The following ECT2L variants were observed in gnomAD, a reference collection of about 807,000 sequenced individuals.
ECT2L encodes epithelial cell-transforming sequence 2 oncogene-like.
Under a neutral mutation model 122.8 loss-of-function variants are expected in ECT2L, and 126 were observed. That is an observed-to-expected ratio of 1.03 (90% CI 0.89 to 1.19). The LOEUF (loss-of-function observed/expected upper bound fraction) is 1.19. Among genes scored for constraint, ECT2L ranks in the 50% most tolerant of loss-of-function variants. The pLI, the probability that ECT2L is intolerant of heterozygous loss-of-function variation, is 0.00. For missense variants in ECT2L, 1,012 were observed against 1,064.1 expected, an observed-to-expected ratio of 0.95 and a Z score of 0.68; for synonymous variants, 385 against 381.8, an observed-to-expected ratio of 1.01 and a Z score of -0.10.
chr6:138,893,413 A>ATT (rs202147997), intron 20 of ECT2L, among the ~76,000 whole-genome samples: 4 of 148,356 alleles, frequency 2.7e-5, no homozygotes, highest in East Asian at 1.9e-4. Flanking sequence ...ATATATATAT[A>ATT]TTTTTTTATT....
At chr6:138,875,357 G>C (rs1778402795) in intron 13 of ECT2L, among the ~76,000 whole-genome samples, 1 of 152,222 alleles carries the variant, frequency 6.6e-6, no homozygotes, top group African/African-American at 2.4e-5. Flanking sequence ...ATTCGCTTTT[G>C]CCTCAGTAGA....
In ECT2L at chr6:138,876,545, C is replaced by T. The variant is rs1562487428; in HGVS notation, c.1652C>T (p.Ala551Val). 1 of 1,609,022 alleles carries T rather than the reference C, an allele frequency of 6.2e-7. No homozygotes were observed. The highest frequency in any genetic ancestry group is 8.5e-7 in the Non-Finnish European group (1 of 1,175,830). Residue 551 changes from alanine (A) to valine (V), a missense_variant, in exon 14 of 22, where the codon GCA becomes GTA. Physicochemically the swap from Ala to Val is moderately conservative, Grantham distance 64 (BLOSUM62 0). Transcript: ENST00000541398. ...AGCAAAAATGATTTAAATTTTGAAG[C>T]ACTGATTAATCTGGTAAGCTATTAT... is the stretch of plus-strand genomic sequence containing the variant. ...RLSKNDLNFE[A>V]LINLERILQK...
In ECT2L at chr6:138,844,575, C is replaced by G. The variant is rs777627538; in HGVS notation, c.759C>G (p.Pro253=). Residue 253 remains proline (P), a synonymous_variant, in exon 7 of 22, where the codon CCC becomes CCG. Transcript: ENST00000541398. ...QLVLTSLETL[P]KRSNISGSHS... ...TTTTGACATCGTTAGAAACCTTGCC[C>G]AAGCGGTAAGCAAAATTCCATCTAC... The G allele has an allele frequency of 4.3e-6, 7 of 1,613,844 alleles. No individual in the cohort carries two copies. Among genetic ancestry groups the G allele is most frequent in the Non-Finnish European group, 5.9e-6 (7 of 1,179,860 alleles).
At chr6:138,899,064 C>A (rs1419720664) in intron 20 of ECT2L, among the ~76,000 whole-genome samples, 1 of 151,804 alleles carries the variant, frequency 6.6e-6, no homozygotes, top group Non-Finnish European at 1.5e-5. Context: ...GTCCTACTCT[C>A]AGGAATTGTA....
At chr6:138,858,703 T>C in intron 10 of ECT2L, among the ~76,000 whole-genome samples, 1 of 118,620 alleles carries the variant, frequency 8.4e-6, no homozygotes, top group Non-Finnish European at 1.6e-5. Flanking sequence ...TTTCCTTTTT[T>C]TTTTTTTTTT....
chr6:138,816,645 CA>C (rs1475925670), intron 4 of ECT2L, among the ~76,000 whole-genome samples: 3 of 152,060 alleles, frequency 2.0e-5, no homozygotes, highest in African/African-American at 7.2e-5. Context: ...CCACCACGCC[CA>C]GCTACTTTTT....
chr6:138,822,817 A>G lies in ECT2L; in HGVS notation c.179+8214A>G. 5 of 1,613,534 alleles carry G rather than the reference A, an allele frequency of 3.1e-6. No individual in the cohort carries two copies. In the South Asian group the frequency reaches 4.4e-5, roughly 14 times the overall value. On this transcript the variant is annotated intron_variant, in intron 4 of 21. Transcript: ENST00000541398. ...AATGAAATGAATGGCACTTATGACT[A>G]CAGTCAATATGAATTGATCTGTATC...
At chr6:138,891,590 C>T (rs1274538922) in intron 20 of ECT2L, among the ~76,000 whole-genome samples, 1 of 6,818 alleles carries the variant, frequency 1.5e-4, no homozygotes, top group South Asian at 2.9e-3. Flanking sequence ...CTTTTGAATC[C>T]CCCCCATGAC....
In ECT2L at chr6:138,901,047, A is replaced by C; in HGVS notation, c.2514A>C (p.Ser838=). The C allele has an allele frequency of 6.2e-7, 1 of 1,614,190 alleles. No individual in the cohort carries two copies. The highest frequency in any genetic ancestry group is 8.5e-7 in the Non-Finnish European group (1 of 1,180,012). The change falls in exon 21 of 22, where the codon TCA becomes TCC. Residue 838 remains serine (S), a synonymous_variant. Coordinates refer to ENST00000541398, the MANE Select transcript of ECT2L (RefSeq NM_001077706.3). The part of the protein sequence containing the change: ...GTSHTPFERT[S]KTTYQFIASV... ...CTCACACTCCATTTGAGAGGACTTC[A>C]AAAACAACCTACCAGTTCATTGCAT...
intron 4 of ECT2L, among the ~76,000 whole-genome samples, chr6:138,833,636 T>C (rs9321679): frequency 0.76 from 115,703 of 151,656 alleles, 44,493 homozygotes; most frequent in East Asian, 0.89. Flanking sequence ...AACCCTGTCT[T>C]CACTAAAATA....
At chr6:138,846,450 A>C in intron 7 of ECT2L, 89 bp from the exon 8 acceptor site, 1 of 1,310,916 alleles carries the variant, frequency 7.6e-7, no homozygotes, top group Non-Finnish European at 1.0e-6. Flanking sequence ...TGTAGAGTAG[A>C]GCTGATGCCC....
At chr6:138,889,145 G>C (rs1381586089) in intron 20 of ECT2L, 114 bp downstream of exon 20, 3 of 427,586 alleles carry the variant, frequency 7.0e-6, no homozygotes, top group South Asian at 1.4e-4. Context: ...GGTTTGAAAT[G>C]AATCTATGCA....
chr6:138,852,114 C>T (rs906340095), intron 9 of ECT2L, among the ~76,000 whole-genome samples: 17 of 152,098 alleles, frequency 1.1e-4, no homozygotes, highest in East Asian at 1.9e-4. Flanking sequence ...CCCATCTGTA[C>T]AAAAAATACA....
intron 19 of ECT2L, among the ~76,000 whole-genome samples, chr6:138,887,230 T>A (rs984796483): frequency 2.3e-5 from 3 of 132,586 alleles, no homozygotes; most frequent in Admixed American, 7.3e-5. Context: ...TTTTCTTTAA[T>A]TTTTTTTTTT....
Position 138,902,482 on chromosome 6 carries a change from C to A in ECT2L, c.2588-18C>A. ...TTATCTGCAAAGATTAATTAGTATA[C>A]CTCAAATGCTTTTACAGATGTCAAG... On this transcript the variant is annotated intron_variant, in intron 21 of 21. Coordinates refer to ENST00000541398, the MANE Select transcript of ECT2L (RefSeq NM_001077706.3). The A allele has an allele frequency of 1.9e-6, 3 of 1,606,882 alleles. No individual in the cohort carries two copies. The highest frequency in any genetic ancestry group is 2.6e-6 in the Non-Finnish European group (3 of 1,176,164).
At chr6:138,820,979 G>A (rs1776249387) in intron 4 of ECT2L, among the ~76,000 whole-genome samples, 3 of 152,242 alleles carry the variant, frequency 2.0e-5, no homozygotes, top group Admixed American at 6.5e-5. Flanking sequence ...CAATGGAATG[G>A]GGTGGAGGAA....
Position 138,876,523 on chromosome 6 carries a change from A to G in ECT2L, c.1630A>G (p.Lys544Glu), listed in dbSNP as rs1778459018. The G allele has an allele frequency of 6.2e-7, 1 of 1,613,278 alleles. No individual in the cohort carries two copies. The highest frequency in any genetic ancestry group is 1.7e-4 in the Middle Eastern group (1 of 6,058). ...TTGGGACACAAAGTCCAGGCTCAGC[A>G]AAAATGATTTAAATTTTGAAGCACT... ...NSWDTKSRLS[K>E]NDLNFEALIN... The change falls in exon 14 of 22, where the codon AAA becomes GAA. Residue 544 changes from lysine to glutamate, a missense_variant. Lys to Glu is a moderately conservative substitution (Grantham distance 56). Transcript: ENST00000541398.
intron 4 of ECT2L, among the ~76,000 whole-genome samples, chr6:138,833,000 G>A (rs1333704467): frequency 6.6e-6 from 1 of 152,038 alleles, no homozygotes; most frequent in South Asian, 2.1e-4. Flanking sequence ...AGGGGAAGCA[G>A]GCACATCTTA....
chr6:138,864,972 A>C (rs1475166599), intron 11 of ECT2L, 24 bp from the exon 12 acceptor site: 1 of 1,598,758 alleles, frequency 6.3e-7, no homozygotes, highest in Non-Finnish European at 8.5e-7. Context: ...AGCCTGCAAT[A>C]ATAACAGAAG....
Sources: gnomAD v4.1 joint callset for allele counts (sites outside exome capture counted in the v4.1 genomes callset) on GRCh38, gnomAD v4.1.1 for gene constraint, MANE v1.5 for transcripts, NCBI Gene and HGNC (gene_info 2026-07-23, HGNC 2026-07-21) for gene names.